IL12A: variants seen among roughly 807,000 people sequenced by gnomAD.
The protein encoded by IL12A is interleukin-12 subunit alpha.
Under a neutral mutation model 23.5 loss-of-function variants are expected in IL12A, and 16 were observed. The observed-to-expected ratio is 0.68, with a 90% CI of 0.46 to 1.03. The LOEUF (loss-of-function observed/expected upper bound fraction) is 1.03, where lower values mean the gene tolerates loss of function less well. Among genes scored for constraint, IL12A ranks in the 50% least tolerant of loss-of-function variants. IL12A has a pLI of 0.00. For synonymous variants in IL12A, 106 were observed against 111.5 expected (o/e 0.95, Z 0.31); for missense variants, 275 against 307.0 (o/e 0.90, Z 0.78).
chr3:159,990,429 G>T, intron 2 of IL12A, 117 bp downstream of exon 2: 2 of 1,025,036 alleles, frequency 2.0e-6, no homozygotes, highest in Non-Finnish European at 2.9e-6. Flanking sequence ...TTCATTAGCA[G>T]CTGTCAACAG....
Position 159,993,668 on chromosome 3 carries a change from A to G in IL12A, c.463-33A>G, listed in dbSNP as rs747421632. The G allele has an allele frequency of 1.2e-5, 19 of 1,614,100 alleles. No individual in the cohort carries two copies. The Middle Eastern group carries it at 6.6e-4, about 56-fold the overall frequency. On this transcript the variant is annotated intron_variant, in intron 5 of 6. Transcript: ENST00000305579. ...GGGGAAATGTTTTTAGCCCATCTCA[A>G]TGGATACTTCCCCATCTTGTCATGT...
At position 159,990,301 on chromosome 3, in the gene IL12A, A is replaced by G; in HGVS notation, c.253A>G (p.Met85Val). 6.2e-7 allele frequency: 1 copy of G among 1,614,054 alleles called. No individual in the cohort carries two copies. Among genetic ancestry groups the G allele is most frequent in the Non-Finnish European group, 8.5e-7 (1 of 1,179,962 alleles). ...AAACCTGCTGAGGGCCGTCAGCAAC[A>G]TGCTCCAGAAGGTGAGCCTTTCCTG... is the stretch of plus-strand genomic sequence containing the variant. Residue 85 changes from methionine (M) to valine (V), a missense_variant, in exon 2 of 7, where the codon ATG becomes GTG. Coordinates refer to ENST00000305579, the MANE Select transcript of IL12A (RefSeq NM_000882.4).
chr3:159,994,587 TGTG>T (rs1720432922), intron 6 of IL12A, among the ~76,000 whole-genome samples: 2 of 145,920 alleles, frequency 1.4e-5, no homozygotes, highest in African/African-American at 5.5e-5. Flanking sequence ...TTCGTGTGTG[TGTG>T]TGTGTGTGTG....
chr3:159,993,658 G>C (rs1577559349), intron 5 of IL12A, 43 bp from the exon 6 acceptor site: 3 of 1,613,864 alleles, frequency 1.9e-6, no homozygotes, highest in Non-Finnish European at 2.5e-6. Context: ...AATGTTTTTA[G>C]CCCATCTCAA....
intron 2 of IL12A, among the ~76,000 whole-genome samples, chr3:159,990,524 A>G (rs1430209939): frequency 6.6e-6 from 1 of 152,226 alleles, no homozygotes; most frequent in Non-Finnish European, 1.5e-5. Flanking sequence ...GTAGTAATAA[A>G]TTATAATGAT....
Position 159,991,283 on chromosome 3 carries a change from G to A in IL12A, c.264+971G>A, listed in dbSNP as rs1045359299. 2.8e-4 allele frequency among the ~76,000 whole-genome samples: 42 copies of A among 152,162 alleles called. 1 individual carries two copies. Among genetic ancestry groups the A allele is most frequent in the Admixed American group, 1.9e-3 (29 of 15,280 alleles). On this transcript the variant is annotated intron_variant, in intron 2 of 6. Coordinates refer to ENST00000305579, the MANE Select transcript of IL12A (RefSeq NM_000882.4). ...TAGTCCTAAGGGTCAAAAGATTATA[G>A]AAATCAATTTAATGTTTTGTACATC...
Position 159,993,086 on chromosome 3 carries a change from C to T in IL12A, c.339C>T (p.Thr113=). The change falls in exon 3 of 7, where the codon ACC becomes ACT. Residue 113 remains threonine (T), a synonymous_variant. Transcript: ENST00000305579. ...ATGAAGATATCACAAAAGATAAAAC[C>T]AGCACAGTGGAGGCCTGTTTACCAT... is the stretch of plus-strand genomic sequence containing the variant. The T allele has an allele frequency of 6.2e-7, 1 of 1,606,706 alleles. No individual in the cohort carries two copies. The highest frequency in any genetic ancestry group is 1.1e-5 in the South Asian group (1 of 90,918).
At chr3:159,993,289 T>G (rs890028864) in intron 3 of IL12A, 162 bp from the exon 4 acceptor site, 11 of 730,190 alleles carry the variant, frequency 1.5e-5, no homozygotes, top group African/African-American at 5.4e-5. Flanking sequence ...TAAAAAATGG[T>G]TTTTTTTGCA....
chr3:159,988,904 C>A lies in IL12A; in HGVS notation c.-153C>A. The A allele has an allele frequency of 1.5e-6, 1 of 659,304 alleles. No individual in the cohort carries two copies. The highest frequency in any genetic ancestry group is 2.6e-6 in the Non-Finnish European group (1 of 381,254). 40.8% of individuals were successfully genotyped at this position (659,304 alleles called of 1,614,324 possible). ...CCGGAACGGCTGCGGCCGGGCACCC[C>A]GGGAGTTAATCCGAAAGCGCCGCAA... On this transcript the variant is annotated 5_prime_UTR_variant, in exon 1 of 7. Transcript: ENST00000305579.
Position 159,989,082 on chromosome 3 carries a change from A to C in IL12A, c.26A>C (p.Gln9Pro), listed in dbSNP as rs777959510. The C allele has an allele frequency of 1.2e-6, 2 of 1,613,330 alleles. No homozygotes were observed. The highest frequency in any genetic ancestry group is 1.7e-6 in the Non-Finnish European group (2 of 1,179,810). Residue 9 changes from glutamine to proline, a missense_variant, in exon 1 of 7, where the codon CAG (glutamine) becomes CCG (proline). Physicochemically the swap from Gln to Pro is moderately conservative, Grantham distance 76. Coordinates refer to ENST00000305579, the MANE Select transcript of IL12A (RefSeq NM_000882.4). ...ATGTGGCCCCCTGGGTCAGCCTCCC[A>C]GCCACCGCCCTCACCTGCCGCGGCC... is the stretch of plus-strand genomic sequence containing the variant.
chr3:159,990,430 C>A, intron 2 of IL12A, 118 bp downstream of exon 2: 1 of 1,023,038 alleles, frequency 9.8e-7, no homozygotes, highest in Non-Finnish European at 1.4e-6. Context: ...TCATTAGCAG[C>A]TGTCAACAGC....
At chr3:159,991,997 G>T (rs1720332610) in intron 2 of IL12A, among the ~76,000 whole-genome samples, 1 of 152,150 alleles carries the variant, frequency 6.6e-6, no homozygotes, top group African/African-American at 2.4e-5. Context: ...TTCCTCTTTG[G>T]CAGGTCACAT....
intron 6 of IL12A, 58 bp downstream of exon 6, chr3:159,993,902 G>C (rs1720405312): frequency 6.4e-7 from 1 of 1,571,106 alleles, no homozygotes; most frequent in African/African-American, 1.4e-5. Flanking sequence ...AACCAGCCAG[G>C]GTCTTTGATA....
intron 6 of IL12A, 105 bp from the exon 7 acceptor site, chr3:159,995,299 C>A: frequency 1.3e-6 from 1 of 771,840 alleles, no homozygotes; most frequent in Non-Finnish European, 2.0e-6. Flanking sequence ...GCATAAGGGA[C>A]TGAGTTGCAG....
chr3:159,993,927 G>A (rs1720406443), intron 6 of IL12A, 83 bp downstream of exon 6: 2 of 1,413,474 alleles, frequency 1.4e-6, no homozygotes, highest in Admixed American at 2.0e-5. Flanking sequence ...GATATAAAAA[G>A]AGGTCTGGAG....
In IL12A at chr3:159,994,579, CGTGTGTGTGTGTGTGTGTGT is replaced by C. The variant is rs60659167; in HGVS notation, c.606+755_606+774del. 5.2e-5 allele frequency among the ~76,000 whole-genome samples: 7 copies of C among 135,744 alleles called. No homozygotes were observed. The East Asian group carries it at 1.3e-3, about 24-fold the overall frequency. 89.1% of individuals were successfully genotyped at this position (135,744 alleles called of 152,430 possible). A position where few individuals can be genotyped will look rare whatever the true frequency, so the allele number is the denominator to read the frequency against. On this transcript the variant is annotated intron_variant, in intron 6 of 6. Transcript: ENST00000305579. The stretch of plus-strand genomic sequence containing the variant: ...GTAATTGTTTTACTTTTATTCTTTT[CGTGTGTGTGTGTGTGTGTGT>C]GTGTGTGTGTGTGTGTGTGCATGTG...
Position 159,993,822 on chromosome 3 carries a change from C to G in IL12A, c.584C>G (p.Ala195Gly). 1 of 1,614,112 alleles carries G rather than the reference C, an allele frequency of 6.2e-7. No homozygotes were observed. Among genetic ancestry groups the G allele is most frequent in the South Asian group, 1.1e-5 (1 of 91,074 alleles). The change falls in exon 6 of 7, where the codon GCA (alanine) becomes GGA (glycine). Residue 195 changes from alanine (A) to glycine (G), a missense_variant. Transcript: ENST00000305579. Reference sequence around the variant, plus strand: ...ATCTTTCTAGATCAAAACATGCTGGCAGTTATTGATGAGCTGATGCAGGTA... The same window carrying G: ...ATCTTTCTAGATCAAAACATGCTGGGAGTTATTGATGAGCTGATGCAGGTA...
Position 159,989,191 on chromosome 3 carries a change from C to T in IL12A, c.118+17C>T, listed in dbSNP as rs1051754316. On this transcript the variant is annotated intron_variant, in intron 1 of 6. Coordinates refer to ENST00000305579, the MANE Select transcript of IL12A (RefSeq NM_000882.4). Reference sequence around the variant, plus strand: ...CAGCGCGCAGTGAGTACTCAGCCCGCCAGGTCTTTGGCTCGCTCGGGTGCG... The same window carrying T: ...CAGCGCGCAGTGAGTACTCAGCCCGTCAGGTCTTTGGCTCGCTCGGGTGCG... 6.9e-6 allele frequency: 11 copies of T among 1,602,250 alleles called. No individual in the cohort carries two copies. The African/African-American group carries it at 1.3e-4, about 19-fold the overall frequency.
intron 3 of IL12A, 31 bp from the exon 4 acceptor site, chr3:159,993,420 A>C: frequency 6.4e-7 from 1 of 1,553,014 alleles, no homozygotes; most frequent in East Asian, 2.3e-5. Context: ...ACTAAGAATT[A>C]ATACTTTGAT....
Sources: gnomAD v4.1 joint callset for allele counts (sites outside exome capture counted in the v4.1 genomes callset) on GRCh38, gnomAD v4.1.1 for gene constraint, MANE v1.5 for transcripts, NCBI Gene and HGNC (gene_info 2026-07-23, HGNC 2026-07-21) for gene names.